Variants in NPAT observed in about 807,000 individuals in gnomAD.
NPAT encodes the protein protein NPAT.
A neutral mutation model predicts 130.7 loss-of-function variants in NPAT; 52 were observed. The observed-to-expected ratio is 0.40, with a 90% CI of 0.32 to 0.50. The LOEUF is 0.50. Among genes scored for constraint, NPAT ranks in the 20% least tolerant of loss-of-function variants. The probability of loss-of-function intolerance (pLI) is 0.68; values close to 1 mark genes in which losing one functional copy is unlikely to be tolerated. For synonymous variants in NPAT, 580 were observed against 584.8 expected (o/e 0.99, Z 0.12); for missense variants, 1,687 against 1,662.6 (o/e 1.01, Z -0.26).
chr11:108,193,682 G>A (rs1274381620), intron 3 of NPAT, among the ~76,000 whole-genome samples: 3 of 151,930 alleles, frequency 2.0e-5, no homozygotes, highest in Admixed American at 6.6e-5. Context: ...CTGAGATTAC[G>A]CCACTGCACT....
intron 15 of NPAT, among the ~76,000 whole-genome samples, chr11:108,164,739 C>G (rs1302276957): frequency 1.3e-5 from 2 of 152,114 alleles, no homozygotes; most frequent in Non-Finnish European, 2.9e-5. Context: ...AGGCCGGGCG[C>G]AGTGGCTCAT....
chr11:108,222,096 A>C (rs771876308), intron 1 of NPAT, among the ~76,000 whole-genome samples: 30 of 152,068 alleles, frequency 2.0e-4, no homozygotes, highest in Non-Finnish European at 3.5e-4. Flanking sequence ...GGGGCCGGGG[A>C]ACTCCCTATT....
intron 1 of NPAT, among the ~76,000 whole-genome samples, chr11:108,206,299 C>T (rs114841088): frequency 1.1e-4 from 17 of 152,238 alleles, no homozygotes; most frequent in African/African-American, 4.1e-4. Context: ...CTAGGGCCTG[C>T]TGGGTTTGTT....
chr11:108,221,772 C>T (rs1418147710), intron 1 of NPAT, among the ~76,000 whole-genome samples: 1 of 152,056 alleles, frequency 6.6e-6, no homozygotes, highest in African/African-American at 2.4e-5. Flanking sequence ...GGACAAACAA[C>T]AACAAAACCC....
intron 1 of NPAT, among the ~76,000 whole-genome samples, chr11:108,203,641 C>T (rs1283692249): frequency 1.3e-5 from 2 of 152,178 alleles, no homozygotes; most frequent in Non-Finnish European, 2.9e-5. Flanking sequence ...GCTTGCTCTT[C>T]TCACCCTTGT....
At chr11:108,198,038 A>G (rs936722944) in intron 1 of NPAT, among the ~76,000 whole-genome samples, 4 of 152,216 alleles carry the variant, frequency 2.6e-5, no homozygotes, top group Non-Finnish European at 5.9e-5. Flanking sequence ...AGCATGCCCC[A>G]AAGCACACAC....
At chr11:108,167,505 G>A (rs2077912363) in intron 15 of NPAT, among the ~76,000 whole-genome samples, 2 of 152,166 alleles carry the variant, frequency 1.3e-5, no homozygotes, top group African/African-American at 4.8e-5. Flanking sequence ...GAGCCACCAT[G>A]CCCAGCTCCA....
At chr11:108,175,132 A>C (rs932949239) in intron 12 of NPAT, among the ~76,000 whole-genome samples, 7 of 152,228 alleles carry the variant, frequency 4.6e-5, no homozygotes, top group African/African-American at 1.7e-4. Flanking sequence ...GTACAATAAG[A>C]TATTTTGAGG....
chr11:108,192,740 G>C (rs1245860071), intron 3 of NPAT, among the ~76,000 whole-genome samples: 3 of 152,194 alleles, frequency 2.0e-5, no homozygotes, highest in African/African-American at 7.2e-5. Flanking sequence ...CAGATCATGA[G>C]GTCAGGAGTT....
At chr11:108,180,747 C>A (rs550203515) in intron 10 of NPAT, among the ~76,000 whole-genome samples, 1 of 152,290 alleles carries the variant, frequency 6.6e-6, no homozygotes, top group Admixed American at 6.5e-5. Flanking sequence ...TATTTGTACA[C>A]CCATGTTCAT....
chr11:108,160,229 A>T (rs1291754902), intron 17 of NPAT, among the ~76,000 whole-genome samples: 1 of 151,976 alleles, frequency 6.6e-6, no homozygotes, highest in African/African-American at 2.4e-5. Flanking sequence ...AAGCTGAGGT[A>T]GGAGAATCAC....
intron 2 of NPAT, among the ~76,000 whole-genome samples, chr11:108,194,407 T>G (rs1481442767): frequency 6.6e-6 from 1 of 152,232 alleles, no homozygotes; most frequent in Non-Finnish European, 1.5e-5. Context: ...GTTTCATTAT[T>G]ATGTTTATTT....
At chr11:108,177,150 T>A in intron 10 of NPAT, 60 bp from the exon 11 acceptor site, 2 of 748,306 alleles carry the variant, frequency 2.7e-6, no homozygotes, top group Non-Finnish European at 4.4e-6. Context: ...TATTTACATA[T>A]TATATATATA....
chr11:108,193,309 G>T (rs140363671), intron 3 of NPAT, among the ~76,000 whole-genome samples: 1 of 152,154 alleles, frequency 6.6e-6, no homozygotes, highest in Non-Finnish European at 1.5e-5. Flanking sequence ...ACATAGTGAT[G>T]TCTGTTTATC....
At chr11:108,182,418 G>A (rs779638029) in intron 10 of NPAT, among the ~76,000 whole-genome samples, 5 of 152,200 alleles carry the variant, frequency 3.3e-5, no homozygotes, top group African/African-American at 4.8e-5. Context: ...ACTTTCAGAC[G>A]TCCTGGTGCT....
chr11:108,204,089 A>G (rs2078301181), intron 1 of NPAT, among the ~76,000 whole-genome samples: 1 of 152,172 alleles, frequency 6.6e-6, no homozygotes, highest in African/African-American at 2.4e-5. Flanking sequence ...GAAAGCAGCA[A>G]TTGTGGTCAT....
chr11:108,184,451 G>A lies in NPAT; in HGVS notation c.906+781C>T, dbSNP rs563466069. Among the ~76,000 whole-genome samples, 605 of 143,904 alleles carry A rather than the reference G, an allele frequency of 4.2e-3. 4 individuals carry two copies. The highest frequency in any genetic ancestry group is 0.015 in the African/African-American group (581 of 39,666). 94.4% of individuals were successfully genotyped at this position (143,904 alleles called of 152,430 possible). The stretch of plus-strand genomic sequence containing the variant: ...TGTGCCACTGCACTCCAGCCTGGGC[G>A]ACAAAGTGAGACTCCATCTCAAAAA... On this transcript the variant is annotated intron_variant, in intron 10 of 17. Transcript: ENST00000278612.
intron 10 of NPAT, 123 bp from the exon 11 acceptor site, chr11:108,177,213 A>T: frequency 2.4e-6 from 1 of 424,348 alleles, no homozygotes; most frequent in Non-Finnish European, 4.1e-6. Context: ...GTACAGTGGT[A>T]GAGTCACTGT....
rs536766279 is a variant in NPAT, at chr11:108,166,209, T to C, written c.3010+3535A>G. ...GAGTTCAAGACCAGCTTGGCCAAGA[T>C]AGTGAAACCCTGTCTCTACTAAAAA... is the stretch of plus-strand genomic sequence containing the variant. On this transcript the variant is annotated intron_variant, in intron 15 of 17. Coordinates refer to ENST00000278612, the MANE Select transcript of NPAT (RefSeq NM_002519.3). Among the ~76,000 whole-genome samples, 23 of 152,070 alleles carry C rather than the reference T, an allele frequency of 1.5e-4. No individual in the cohort carries two copies. The South Asian group carries it at 4.6e-3, about 30-fold the overall frequency.
Sources: allele counts gnomAD v4.1 joint callset (sites outside exome capture counted in the v4.1 genomes callset), GRCh38; gene constraint gnomAD v4.1.1; transcripts MANE v1.5; gene names NCBI Gene and HGNC (gene_info 2026-07-23, HGNC 2026-07-21).